The following NRG1 variants were observed in gnomAD, a reference collection of about 807,000 sequenced individuals.
The protein encoded by NRG1 is pro-neuregulin-1, membrane-bound isoform.
Under a neutral mutation model 63.8 loss-of-function variants are expected in NRG1, and 18 were observed. The observed-to-expected ratio is 0.28, with a 90% CI of 0.19 to 0.42. The LOEUF is 0.42. Among genes scored for constraint, NRG1 ranks in the 10% least tolerant of loss-of-function variants. NRG1 has a pLI of 1.00. For missense variants in NRG1, 762 were observed against 814.7 expected, an observed-to-expected ratio of 0.94 and a Z score of 0.79; for synonymous variants, 302 against 301.3, an observed-to-expected ratio of 1.00 and a Z score of -0.02.
chr8:31,845,635 G>A (rs919026985), intron 1 of NRG1, among the ~76,000 whole-genome samples: 2 of 151,520 alleles, frequency 1.3e-5, no homozygotes, highest in Non-Finnish European at 2.9e-5. Flanking sequence ...TTGCTTTGTT[G>A]CTAATTAGTA....
chr8:31,852,418 T>C (rs1827339550), intron 1 of NRG1, among the ~76,000 whole-genome samples: 1 of 152,204 alleles, frequency 6.6e-6, no homozygotes, highest in Admixed American at 6.5e-5. Context: ...TTTTGAGAAG[T>C]GTCTGTTCAC....
At chr8:31,999,243 A>T (rs1257193569) in intron 1 of NRG1, among the ~76,000 whole-genome samples, 2 of 151,958 alleles carry the variant, frequency 1.3e-5, no homozygotes, top group Non-Finnish European at 2.9e-5. Context: ...GTACATATTT[A>T]ATATGTTTAA....
chr8:32,408,239 G>A lies in NRG1; in HGVS notation c.38-187589G>A, dbSNP rs571620738. Among the ~76,000 whole-genome samples, 174 of 152,262 alleles carry A rather than the reference G, an allele frequency of 1.1e-3. 1 individual carries two copies. The highest frequency in any genetic ancestry group is 2.0e-3 in the Non-Finnish European group (135 of 68,026). Reference sequence around the variant, plus strand: ...GAAAATGAATCATTCTCAGGGTGATGAGCATGTGTCATTAAACTGTTTTCC... The same window carrying A: ...GAAAATGAATCATTCTCAGGGTGATAAGCATGTGTCATTAAACTGTTTTCC... On this transcript the variant is annotated intron_variant, in intron 1 of 10. Coordinates refer to the NRG1 transcript ENST00000519301.
chr8:32,679,174 G>A (rs1589156683), intron 5 of NRG1, among the ~76,000 whole-genome samples: 1 of 152,000 alleles, frequency 6.6e-6, no homozygotes, highest in East Asian at 1.9e-4. Flanking sequence ...GATATAATAA[G>A]CTATCTATTC....
intron 1 of NRG1, among the ~76,000 whole-genome samples, chr8:31,648,232 C>T (rs919883516): frequency 6.9e-6 from 1 of 144,176 alleles, no homozygotes; most frequent in Non-Finnish European, 1.5e-5. Context: ...CTCCCGGGTT[C>T]ACGCCATTCT....
At chr8:31,931,392 T>C (rs1453023938) in intron 1 of NRG1, among the ~76,000 whole-genome samples, 1 of 152,178 alleles carries the variant, frequency 6.6e-6, no homozygotes, top group Non-Finnish European at 1.5e-5. Flanking sequence ...TACCATGATG[T>C]GAATTTTAGC....
intron 5 of NRG1, among the ~76,000 whole-genome samples, chr8:32,692,723 C>T (rs1352014400): frequency 6.6e-6 from 1 of 152,166 alleles, no homozygotes; most frequent in Non-Finnish European, 1.5e-5. Flanking sequence ...ACAGAATAGT[C>T]ACAGGCCAGT....
At chr8:32,048,442 CATACATATATATATATATAT>C (rs71208165) in intron 1 of NRG1, among the ~76,000 whole-genome samples, 28,713 of 134,760 alleles carry the variant, frequency 0.21, 3,791 homozygotes, top group East Asian at 0.62. Flanking sequence ...CACATATATA[CATACATATATATATATATAT>C]ATATATATAT....
intron 5 of NRG1, among the ~76,000 whole-genome samples, chr8:32,646,286 A>G (rs1462413762): frequency 1.3e-5 from 2 of 152,110 alleles, no homozygotes; most frequent in African/African-American, 2.4e-5. Context: ...GGCATGACAA[A>G]CAAAGTCTTA....
chr8:32,247,628 G>A (rs369181216), intron 1 of NRG1, among the ~76,000 whole-genome samples: 3 of 152,036 alleles, frequency 2.0e-5, no homozygotes, highest in Non-Finnish European at 4.4e-5. Flanking sequence ...ACTAGGATAC[G>A]GTCGTGAGTT....
Position 32,581,157 on chromosome 8 carries a change from TAAAAC to T in NRG1, c.101-14669_101-14665del, listed in dbSNP as rs200073825. On this transcript the variant is annotated intron_variant, in intron 1 of 11. Transcript: ENST00000356819. ...TACTCAATTCTATATGTCCAGTACT[TAAAAC>T]AGTGAGAGCAATGTAACTGATGCAC... Among the ~76,000 whole-genome samples, 1,146 of 152,276 alleles carry T rather than the reference TAAAAC, an allele frequency of 7.5e-3. 11 individuals are homozygous for T. Among genetic ancestry groups the T allele is most frequent in the African/African-American group, 0.025 (1,058 of 41,560 alleles).
At chr8:31,931,870 C>T (rs1295630364) in intron 1 of NRG1, among the ~76,000 whole-genome samples, 2 of 152,134 alleles carry the variant, frequency 1.3e-5, no homozygotes, top group Non-Finnish European at 2.9e-5. Flanking sequence ...TACTTGCTCG[C>T]TCTCAGTGAC....
intron 1 of NRG1, among the ~76,000 whole-genome samples, chr8:32,168,256 A>G (rs1371048226): frequency 6.6e-6 from 1 of 152,222 alleles, no homozygotes; most frequent in Non-Finnish European, 1.5e-5. Context: ...CTCCAAAGGA[A>G]GGATATGAGT....
At chr8:32,672,960 C>T (rs550069143) in intron 5 of NRG1, among the ~76,000 whole-genome samples, 1 of 152,140 alleles carries the variant, frequency 6.6e-6, no homozygotes, top group Non-Finnish European at 1.5e-5. Context: ...ATGAAGTAAT[C>T]ATTTCTTTGT....
chr8:31,665,350 A>G (rs991729314), intron 1 of NRG1, among the ~76,000 whole-genome samples: 1 of 152,216 alleles, frequency 6.6e-6, no homozygotes. Flanking sequence ...ATACACAGAA[A>G]TGCTCTGAGA....
intron 1 of NRG1, among the ~76,000 whole-genome samples, chr8:32,025,239 C>T (rs1275027786): frequency 6.6e-6 from 1 of 151,960 alleles, no homozygotes; most frequent in African/African-American, 2.4e-5. Context: ...TTGCAAAACT[C>T]ATTATGTTGT....
At chr8:31,685,712 A>G (rs144649992) in intron 1 of NRG1, among the ~76,000 whole-genome samples, 3 of 152,168 alleles carry the variant, frequency 2.0e-5, no homozygotes, top group African/African-American at 4.8e-5. Flanking sequence ...TTTTATTTCT[A>G]TGGTTTTTCT....
chr8:32,693,416 A>AC (rs1255182792), intron 5 of NRG1, among the ~76,000 whole-genome samples: 5 of 151,860 alleles, frequency 3.3e-5, no homozygotes, highest in Admixed American at 6.6e-5. Context: ...ATGAGGTTTC[A>AC]CATGTTAGCC....
At chr8:32,204,798 A>G (rs1185471066) in intron 1 of NRG1, among the ~76,000 whole-genome samples, 3 of 152,280 alleles carry the variant, frequency 2.0e-5, no homozygotes, top group African/African-American at 7.2e-5. Flanking sequence ...TGTGTGTTCT[A>G]TCTGAAGAAA....
Sources: gnomAD v4.1 joint callset for allele counts (sites outside exome capture counted in the v4.1 genomes callset) on GRCh38, gnomAD v4.1.1 for gene constraint, MANE v1.5 for transcripts, NCBI Gene and HGNC (gene_info 2026-07-23, HGNC 2026-07-21) for gene names.